AK5: variants seen among roughly 807,000 people sequenced by gnomAD.
AK5 encodes adenylate kinase isoenzyme 5.
A neutral mutation model predicts 69.5 loss-of-function variants in AK5; 27 were observed. The ratio of observed to expected loss-of-function variants is 0.39; its 90% confidence interval spans 0.29 to 0.54. AK5 has a LOEUF of 0.54. AK5 is among the 20% of genes least tolerant of loss of function. The pLI, the probability that AK5 is intolerant of heterozygous loss-of-function variation, is 0.71. For synonymous variants in AK5, 260 were observed against 244.4 expected (o/e 1.06, Z -0.60); for missense variants, 531 against 700.4 (o/e 0.76, Z 2.73).
intron 8 of AK5, chr1:77,420,324 A>G (rs1327864217): frequency 6.6e-6 from 1 of 152,206 alleles, no homozygotes; most frequent in East Asian, 1.9e-4. Flanking sequence ...AAGTGAAAAT[A>G]TAGTGTTACA....
intron 6 of AK5, among the ~76,000 whole-genome samples, chr1:77,357,370 T>C (rs1662590170): frequency 6.6e-6 from 1 of 152,218 alleles, no homozygotes; most frequent in Non-Finnish European, 1.5e-5. Context: ...CTTGCAAGAT[T>C]AATTAAGGAT....
At chr1:77,356,935 C>T (rs978297570) in intron 6 of AK5, among the ~76,000 whole-genome samples, 4 of 152,320 alleles carry the variant, frequency 2.6e-5, no homozygotes, top group Admixed American at 2.6e-4. Flanking sequence ...GTTGCCAAGC[C>T]TGTCACCAAC....
chr1:77,529,349 T>A (rs77747877), intron 12 of AK5, among the ~76,000 whole-genome samples: 1 of 151,600 alleles, frequency 6.6e-6, no homozygotes. Flanking sequence ...TTTTTTTTTT[T>A]TTGAGACGGA....
At chr1:77,322,909 G>C (rs1570377167) in intron 5 of AK5, among the ~76,000 whole-genome samples, 1 of 152,046 alleles carries the variant, frequency 6.6e-6, no homozygotes, top group Non-Finnish European at 1.5e-5. Context: ...TTGTAAGAGA[G>C]AATGCATTTA....
intron 8 of AK5, among the ~76,000 whole-genome samples, chr1:77,419,622 T>C (rs74092615): frequency 0.015 from 2,284 of 152,200 alleles, 64 homozygotes; most frequent in African/African-American, 0.052. Flanking sequence ...AAAAGGCACT[T>C]GATAGAGTAG....
chr1:77,347,646 A>G (rs1661981330), intron 6 of AK5, among the ~76,000 whole-genome samples: 1 of 152,166 alleles, frequency 6.6e-6, no homozygotes, highest in Non-Finnish European at 1.5e-5. Context: ...AATCTTTTGG[A>G]TAGAAAGGAA....
At chr1:77,344,683 G>T (rs562644239) in intron 6 of AK5, among the ~76,000 whole-genome samples, 50 of 151,794 alleles carry the variant, frequency 3.3e-4, no homozygotes, top group African/African-American at 1.2e-3. Context: ...TCTTGTAAAA[G>T]TTTTTTTCAA....
chr1:77,282,487 G>C (rs977668125), intron 1 of AK5, 114 bp downstream of exon 1: 3 of 1,407,894 alleles, frequency 2.1e-6, no homozygotes, highest in African/African-American at 3.0e-5. Flanking sequence ...GTAATGAAGG[G>C]GCTTGTAGAA....
chr1:77,284,478 CT>C (rs1436142256), intron 1 of AK5, among the ~76,000 whole-genome samples: 1 of 152,172 alleles, frequency 6.6e-6, no homozygotes, highest in Non-Finnish European at 1.5e-5. Context: ...TCTAACTGAC[CT>C]TTTCAGATTT....
At chr1:77,492,636 C>G (rs1557632751) in intron 10 of AK5, among the ~76,000 whole-genome samples, 1 of 152,176 alleles carries the variant, frequency 6.6e-6, no homozygotes, top group African/African-American at 2.4e-5. Flanking sequence ...AGGAAGATGT[C>G]AGGGGGAAAA....
intron 10 of AK5, among the ~76,000 whole-genome samples, chr1:77,511,131 A>G (rs1300817636): frequency 6.6e-6 from 1 of 152,052 alleles, no homozygotes; most frequent in African/African-American, 2.4e-5. Flanking sequence ...CCTTTGTAAG[A>G]TTATGGAATT....
At chr1:77,292,737 G>A (rs1167212) in intron 2 of AK5, among the ~76,000 whole-genome samples, 24,103 of 152,150 alleles carry the variant, frequency 0.16, 2,236 homozygotes, top group African/African-American at 0.25. Context: ...CACCAACTGT[G>A]TTATATTTCC....
At chr1:77,421,053 A>C (rs1650780131) in intron 8 of AK5, among the ~76,000 whole-genome samples, 1 of 152,232 alleles carries the variant, frequency 6.6e-6, no homozygotes, top group Admixed American at 6.5e-5. Flanking sequence ...TTAAAAATGT[A>C]AAATTCATTC....
chr1:77,344,228 A>G (rs539969948), intron 6 of AK5, among the ~76,000 whole-genome samples: 18 of 152,346 alleles, frequency 1.2e-4, no homozygotes, highest in African/African-American at 4.1e-4. Flanking sequence ...CATAGTTTCC[A>G]TTACATGGAC....
intron 5 of AK5, among the ~76,000 whole-genome samples, chr1:77,311,620 T>C (rs541111591): frequency 6.6e-6 from 1 of 152,172 alleles, no homozygotes; most frequent in African/African-American, 2.4e-5. Flanking sequence ...AGATAAACAC[T>C]CCATAGATTT....
At chr1:77,357,259 GA>G (rs1188264795) in intron 6 of AK5, among the ~76,000 whole-genome samples, 1 of 151,282 alleles carries the variant, frequency 6.6e-6, no homozygotes, top group Non-Finnish European at 1.5e-5. Context: ...TCCAAGGGCT[GA>G]CTTTGAAGTC....
chr1:77,497,438 A>G (rs1483667968), intron 10 of AK5, among the ~76,000 whole-genome samples: 1 of 152,220 alleles, frequency 6.6e-6, no homozygotes, highest in East Asian at 1.9e-4. Flanking sequence ...ATCTTCATGA[A>G]CTGTAACAGT....
chr1:77,327,613 C>T (rs1157537278), intron 5 of AK5, among the ~76,000 whole-genome samples: 3 of 152,166 alleles, frequency 2.0e-5, no homozygotes, highest in African/African-American at 2.4e-5. Flanking sequence ...AACTGATCAC[C>T]ATGAACCAGG....
At chr1:77,288,402 C>G (rs564988080) in intron 2 of AK5, among the ~76,000 whole-genome samples, 1 of 152,182 alleles carries the variant, frequency 6.6e-6, no homozygotes, top group South Asian at 2.1e-4. Flanking sequence ...AATTGTACAA[C>G]AAAAGGTTTA....
Sources: allele counts gnomAD v4.1 joint callset (sites outside exome capture counted in the v4.1 genomes callset), GRCh38; gene constraint gnomAD v4.1.1; transcripts MANE v1.5; gene names NCBI Gene and HGNC (gene_info 2026-07-23, HGNC 2026-07-21).